CTNND2: variants seen among roughly 807,000 people sequenced by gnomAD.
CTNND2 encodes the protein catenin delta-2.
A neutral mutation model predicts 144.4 loss-of-function variants in CTNND2; 22 were observed. The ratio of observed to expected loss-of-function variants is 0.15; its 90% CI spans 0.11 to 0.22. CTNND2 has a LOEUF of 0.22. Among genes scored for constraint, CTNND2 ranks in the 10% least tolerant of loss-of-function variants. The probability of loss-of-function intolerance (pLI) is 1.00; values close to 1 mark genes in which losing one functional copy is unlikely to be tolerated. For synonymous variants in CTNND2, 751 were observed against 695.6 expected (o/e 1.08, Z -1.25); for missense variants, 1,353 against 1,618.8 (o/e 0.84, Z 2.82).
intron 7 of CTNND2, among the ~76,000 whole-genome samples, chr5:11,383,445 G>T (rs1758725946): frequency 6.6e-6 from 1 of 152,124 alleles, no homozygotes. Flanking sequence ...ACTCATACTG[G>T]GTTGGCACTA....
chr5:11,886,981 T>C lies in CTNND2; in HGVS notation c.37+16836A>G, dbSNP rs1055731590. ...GATGTTTTCTATCCTACTGCTTTTTTTTTTTTTTTTTTTTTTTTTTGAGAC... is the reference window on the plus strand; with the variant it reads ...GATGTTTTCTATCCTACTGCTTTTTCTTTTTTTTTTTTTTTTTTTTGAGAC... On this transcript the variant is annotated intron_variant, in intron 1 of 21. Coordinates refer to ENST00000304623, the MANE Select transcript of CTNND2 (RefSeq NM_001332.4). Among the ~76,000 whole-genome samples, 242 of 131,950 alleles carry C rather than the reference T, an allele frequency of 1.8e-3. 1 individual carries two copies. The highest frequency in any genetic ancestry group is 6.6e-3 in the African/African-American group (234 of 35,272). The allele number at this position is 131,950 out of a possible 152,430, so 86.6% of individuals were successfully genotyped here.
chr5:11,457,734 G>T (rs1426613816), intron 3 of CTNND2, among the ~76,000 whole-genome samples: 1 of 152,182 alleles, frequency 6.6e-6, no homozygotes, highest in East Asian at 1.9e-4. Context: ...GTAGGATCCA[G>T]CAGAGCAGAT....
chr5:11,836,527 C>T (rs1474516285), intron 1 of CTNND2, among the ~76,000 whole-genome samples: 2 of 148,086 alleles, frequency 1.4e-5, no homozygotes, highest in Admixed American at 6.6e-5. Context: ...CTAAAAGGAG[C>T]CAAACTACCA....
chr5:11,815,483 GT>G (rs1381137630), intron 1 of CTNND2, among the ~76,000 whole-genome samples: 1 of 152,126 alleles, frequency 6.6e-6, no homozygotes, highest in Non-Finnish European at 1.5e-5. Flanking sequence ...CTCAAACTGT[GT>G]TTTATGATTT....
At chr5:11,337,653 A>T (rs966002228) in intron 9 of CTNND2, among the ~76,000 whole-genome samples, 1 of 152,220 alleles carries the variant, frequency 6.6e-6, no homozygotes, top group Admixed American at 6.5e-5. Context: ...AAAGCTATAA[A>T]CTTAAAGCAT....
intron 13 of CTNND2, among the ~76,000 whole-genome samples, chr5:11,117,188 C>G (rs1195355507): frequency 1.3e-5 from 2 of 151,616 alleles, no homozygotes; most frequent in Admixed American, 6.6e-5. Context: ...TTTATACACT[C>G]AACTGGAACA....
At chr5:11,335,572 G>A (rs973479192) in intron 9 of CTNND2, among the ~76,000 whole-genome samples, 3 of 152,228 alleles carry the variant, frequency 2.0e-5, no homozygotes, top group Non-Finnish European at 2.9e-5. Flanking sequence ...AATAAAACAC[G>A]TTTCCCATAG....
intron 1 of CTNND2, among the ~76,000 whole-genome samples, chr5:11,759,070 C>T (rs1241099087): frequency 6.6e-6 from 1 of 151,754 alleles, no homozygotes; most frequent in African/African-American, 2.4e-5. Flanking sequence ...TGTAAAAAAA[C>T]AAAATTTCTG....
At chr5:11,061,213 C>T (rs1346914868) in intron 16 of CTNND2, among the ~76,000 whole-genome samples, 1 of 152,144 alleles carries the variant, frequency 6.6e-6, no homozygotes, top group African/African-American at 2.4e-5. Context: ...TTTTTCTACC[C>T]CTGTGCTACA....
At chr5:11,316,882 G>A (rs1751565003) in intron 9 of CTNND2, among the ~76,000 whole-genome samples, 1 of 151,982 alleles carries the variant, frequency 6.6e-6, no homozygotes, top group Admixed American at 6.6e-5. Flanking sequence ...TCTTAATCCA[G>A]TCTATCGTTG....
At chr5:11,741,420 G>C (rs975417805) in intron 1 of CTNND2, among the ~76,000 whole-genome samples, 1 of 152,118 alleles carries the variant, frequency 6.6e-6, no homozygotes, top group African/African-American at 2.4e-5. Flanking sequence ...CCTTTGCAGG[G>C]ACATGGATGA....
intron 1 of CTNND2, among the ~76,000 whole-genome samples, chr5:11,891,228 A>T (rs974200027): frequency 4.6e-5 from 7 of 152,236 alleles, no homozygotes; most frequent in African/African-American, 1.7e-4. Flanking sequence ...TCTATGTATC[A>T]CATTCTGAAT....
At chr5:11,849,858 C>T (rs148429788) in intron 1 of CTNND2, among the ~76,000 whole-genome samples, 11 of 152,226 alleles carry the variant, frequency 7.2e-5, no homozygotes, top group African/African-American at 9.6e-5. Context: ...TGGCCAGGAA[C>T]CCAGAATGGC....
intron 9 of CTNND2, among the ~76,000 whole-genome samples, chr5:11,237,915 A>G (rs1741817728): frequency 6.6e-6 from 1 of 152,250 alleles, no homozygotes; most frequent in African/African-American, 2.4e-5. Flanking sequence ...TAATAACATA[A>G]TGACTTTATA....
intron 5 of CTNND2, among the ~76,000 whole-genome samples, chr5:11,400,815 G>C (rs903358942): frequency 2.0e-5 from 3 of 152,236 alleles, no homozygotes; most frequent in Non-Finnish European, 2.9e-5. Flanking sequence ...CAGAGGCAAA[G>C]AGGTTAAATT....
chr5:11,328,952 GA>G (rs1247111971), intron 9 of CTNND2, among the ~76,000 whole-genome samples: 5 of 152,302 alleles, frequency 3.3e-5, no homozygotes, highest in Admixed American at 3.3e-4. Context: ...CCCAGTTCTG[GA>G]GGCTGGAAGT....
intron 8 of CTNND2, among the ~76,000 whole-genome samples, chr5:11,363,156 T>G (rs1481078253): frequency 6.6e-6 from 1 of 152,158 alleles, no homozygotes; most frequent in Non-Finnish European, 1.5e-5. Flanking sequence ...TGATGCAGAC[T>G]CAGAAAAAAC....
Position 10,988,186 on chromosome 5 carries a change from A to C in CTNND2, c.3268T>G (p.Tyr1090Asp), listed in dbSNP as rs1348141385. ...MISLKERKTD[Y>D]ECTGSNATYH... ...GTGGCGTTGCTGCCGGTGCACTCGT[A>C]GTCTGTTTTCCTTTCTTTGAGGCTG... The change falls in exon 20 of 22, where the codon TAC (tyrosine) becomes GAC (aspartate). Residue 1090 changes from tyrosine to aspartate, a missense_variant. Physicochemically the swap from Tyr to Asp is radical, Grantham distance 160 (BLOSUM62 -3). This residue lies in a region of CTNND2 where 459 missense variants were observed against 674.3 expected (regional missense o/e 0.68). Coordinates refer to ENST00000304623, the MANE Select transcript of CTNND2 (RefSeq NM_001332.4). This position sits in a 1 kb window ranked among gnomAD's most constrained non-coding sequence, Gnocchi z 5.9. 6.2e-7 allele frequency: 1 copy of C among 1,614,200 alleles called. No homozygotes were observed. The highest frequency in any genetic ancestry group is 1.1e-5 in the South Asian group (1 of 91,068).
chr5:11,600,705 CA>C (rs755277116), intron 2 of CTNND2, among the ~76,000 whole-genome samples: 1,781 of 80,554 alleles, frequency 0.022, 10 homozygotes, highest in East Asian at 0.061. Context: ...GATTCTGTCT[CA>C]AAAAAAAAAA....
Sources: gnomAD v4.1 joint callset for allele counts (sites outside exome capture counted in the v4.1 genomes callset) on GRCh38, gnomAD v4.1.1 for gene constraint, gnomAD v4.1.1 regional missense constraint, Gnocchi (gnomAD v3.1) non-coding constraint, MANE v1.5 for transcripts, NCBI Gene and HGNC (gene_info 2026-07-23, HGNC 2026-07-21) for gene names.